The following CECR2 variants were observed in gnomAD, a reference collection of about 807,000 sequenced individuals.
CECR2 encodes the protein CECR2 histone acetyl-lysine reader.
CECR2 carries 30 observed loss-of-function variants against 154.5 expected under a neutral mutation model. The ratio of observed to expected loss-of-function variants is 0.19; its 90% CI spans 0.15 to 0.26. The LOEUF (loss-of-function observed/expected upper bound fraction) is 0.26. Among genes scored for constraint, CECR2 ranks in the 10% least tolerant of loss-of-function variants. The pLI is 1.00. For synonymous variants in CECR2, 725 were observed against 683.7 expected, an observed-to-expected ratio of 1.06 and a Z score of -0.94; for missense variants, 1,743 against 1,829.3, an observed-to-expected ratio of 0.95 and a Z score of 0.86.
intron 7 of CECR2, among the ~76,000 whole-genome samples, chr22:17,508,995 A>G (rs2055894195): frequency 6.6e-6 from 1 of 152,226 alleles, no homozygotes; most frequent in African/African-American, 2.4e-5. Context: ...TCATGCCTGT[A>G]ATCCCAGCAC....
chr22:17,374,329 A>T (rs766994532), intron 1 of CECR2, among the ~76,000 whole-genome samples: 24 of 152,282 alleles, frequency 1.6e-4, no homozygotes, highest in Admixed American at 5.9e-4. Context: ...CCCTTGGTGC[A>T]TCCTTGAAGA....
At chr22:17,544,497 CAAAA>C (rs34885224) in intron 16 of CECR2, among the ~76,000 whole-genome samples, 1 of 57,386 alleles carries the variant, frequency 1.7e-5, no homozygotes, top group Non-Finnish European at 3.3e-5. Context: ...GACTCCATCT[CAAAA>C]AAAAAAAAAA....
chr22:17,497,995 G>A (rs2146872622), intron 3 of CECR2, among the ~76,000 whole-genome samples: 1 of 152,316 alleles, frequency 6.6e-6, no homozygotes, highest in East Asian at 1.9e-4. Context: ...GTATATGTTA[G>A]TGAAGGTCAT....
rs1322840675 is a variant in CECR2, at chr22:17,553,437, C to G, written c.*597C>G. 6.6e-6 allele frequency: 1 copy of G among 152,304 alleles called. No individual in the cohort carries two copies. The highest frequency in any genetic ancestry group is 6.5e-5 in the Admixed American group (1 of 15,276). The allele number at this position is 152,304 out of a possible 1,614,324, so 9.4% of individuals were successfully genotyped here. ...GGAGTGATTTTTATCTGTTTACAAT[C>G]ATGTCACACTGAATACTTATGGGAG... On this transcript the variant is annotated 3_prime_UTR_variant, in exon 19 of 19. Coordinates refer to ENST00000262608, the MANE Select transcript of CECR2 (RefSeq NM_001290047.2).
At chr22:17,518,607 G>A (rs1024154452) in intron 8 of CECR2, 19 of 396,070 alleles carry the variant, frequency 4.8e-5, no homozygotes, top group Admixed American at 3.0e-4. Context: ...TCTTTAGGAC[G>A]GATGGTTTCC....
chr22:17,398,344 G>A (rs1378537505), intron 1 of CECR2, among the ~76,000 whole-genome samples: 1 of 152,130 alleles, frequency 6.6e-6, no homozygotes, highest in African/African-American at 2.4e-5. Flanking sequence ...CACTGAGATG[G>A]GAAAATTAAA....
chr22:17,435,697 A>AC (rs925365537), intron 1 of CECR2, among the ~76,000 whole-genome samples: 19 of 149,360 alleles, frequency 1.3e-4, no homozygotes, highest in East Asian at 9.8e-4. Context: ...AAAAAAAAAA[A>AC]AAAAAAAAAA....
chr22:17,481,002 T>G (rs1352188799), intron 2 of CECR2, among the ~76,000 whole-genome samples: 4 of 142,122 alleles, frequency 2.8e-5, no homozygotes, highest in Non-Finnish European at 6.1e-5. Context: ...ATCGCACCAT[T>G]GCACTCCAGC....
At chr22:17,405,967 C>T (rs1199177568) in intron 1 of CECR2, among the ~76,000 whole-genome samples, 1 of 152,146 alleles carries the variant, frequency 6.6e-6, no homozygotes, top group African/African-American at 2.4e-5. Flanking sequence ...TCCCCTTTTC[C>T]CTTTCTATTT....
At chr22:17,375,216 C>T (rs756410213) in intron 1 of CECR2, among the ~76,000 whole-genome samples, 11 of 151,988 alleles carry the variant, frequency 7.2e-5, no homozygotes, top group Admixed American at 5.9e-4. Flanking sequence ...TGGGTTCAAG[C>T]GATTCTCCTG....
At chr22:17,551,988 A>G (rs764789434) in intron 17 of CECR2, 43 bp from the exon 18 acceptor site, 2 of 1,575,394 alleles carry the variant, frequency 1.3e-6, no homozygotes, top group South Asian at 2.2e-5. Context: ...TGTCGTTAAC[A>G]CGTCTTCATT....
In CECR2 at chr22:17,554,782, G is replaced by A. The variant is rs2056755268; in HGVS notation, c.*1942G>A. 1 of 152,224 alleles carries A rather than the reference G, an allele frequency of 6.6e-6. No homozygotes were observed. The highest frequency in any genetic ancestry group is 1.5e-5 in the Non-Finnish European group (1 of 68,054). 9.4% of individuals were successfully genotyped at this position (152,224 alleles called of 1,614,324 possible). A position where few individuals can be genotyped will look rare whatever the true frequency, so the allele number is the denominator to read the frequency against. ...AGAAACCTATCACTGGCATAACCTG[G>A]TTTAGAAGAGTGAAGAGGACAGAAG... On this transcript the variant is annotated 3_prime_UTR_variant, in exon 19 of 19. Coordinates refer to ENST00000262608, the MANE Select transcript of CECR2 (RefSeq NM_001290047.2).
At chr22:17,515,039 A>G (rs1239683919) in intron 8 of CECR2, among the ~76,000 whole-genome samples, 2 of 151,822 alleles carry the variant, frequency 1.3e-5, no homozygotes, top group African/African-American at 2.4e-5. Flanking sequence ...AAAAAAAAAG[A>G]AAAGCAGATT....
chr22:17,414,916 G>A (rs145616878), intron 1 of CECR2, among the ~76,000 whole-genome samples: 138 of 152,214 alleles, frequency 9.1e-4, no homozygotes, highest in African/African-American at 3.0e-3. Flanking sequence ...CATGTTTAAG[G>A]CATCTGTTGG....
intron 8 of CECR2, among the ~76,000 whole-genome samples, chr22:17,515,087 G>A (rs1452191897): frequency 1.3e-5 from 2 of 151,056 alleles, no homozygotes; most frequent in Non-Finnish European, 2.9e-5. Flanking sequence ...TCTCATATGT[G>A]TGTAATGTCA....
intron 2 of CECR2, among the ~76,000 whole-genome samples, chr22:17,493,584 G>C (rs779530165): frequency 3.3e-5 from 5 of 152,190 alleles, no homozygotes; most frequent in Non-Finnish European, 5.9e-5. Context: ...TTGGATTGTA[G>C]GCCCTCAGGT....
chr22:17,418,956 G>A, intron 1 of CECR2: 1 of 206,976 alleles, frequency 4.8e-6, no homozygotes, highest in South Asian at 6.3e-5. Flanking sequence ...TGGAGCTGGA[G>A]CCTATCGGCT....
chr22:17,524,013 T>A, intron 8 of CECR2, 105 bp from the exon 9 acceptor site: 1 of 871,020 alleles, frequency 1.1e-6, no homozygotes, highest in Non-Finnish European at 1.8e-6. Context: ...ATAAAGTCCC[T>A]AGCTAATATT....
At chr22:17,499,279 A>G (rs9617589) in intron 3 of CECR2, 131 bp from the exon 4 acceptor site, 773,192 of 1,106,968 alleles carry the variant, frequency 0.7, 272,296 homozygotes, top group Middle Eastern at 0.74. Flanking sequence ...GTGAGCCACC[A>G]CGCCCAGCGA....
Sources: allele counts gnomAD v4.1 joint callset (sites outside exome capture counted in the v4.1 genomes callset), GRCh38; gene constraint gnomAD v4.1.1; transcripts MANE v1.5; gene names NCBI Gene and HGNC (gene_info 2026-07-23, HGNC 2026-07-21).